Variants in SSU72 observed in about 807,000 individuals in gnomAD.
The protein encoded by SSU72 is SSU72 homolog, RNA polymerase II CTD phosphatase.
Under a neutral mutation model 22.7 loss-of-function variants are expected in SSU72, and 12 were observed. The ratio of observed to expected loss-of-function variants is 0.53; its 90% CI spans 0.34 to 0.86. SSU72 has a LOEUF of 0.86. Ranked by LOEUF, SSU72 falls within the 40% of genes least tolerant of loss-of-function variation. SSU72 has a pLI of 0.02. For missense variants in SSU72, 151 were observed against 249.8 expected (o/e 0.60, Z 2.67); for synonymous variants, 116 against 98.3 (o/e 1.18, Z -1.06).
At chr1:1,560,210 A>C (rs992932709) in intron 2 of SSU72, among the ~76,000 whole-genome samples, 13 of 151,920 alleles carry the variant, frequency 8.6e-5, no homozygotes, top group African/African-American at 3.1e-4. Flanking sequence ...TTTTAACAAG[A>C]GTCTTGTTCT....
chr1:1,562,225 A>C (rs944636516), intron 2 of SSU72: 4 of 151,554 alleles, frequency 2.6e-5, no homozygotes, highest in Non-Finnish European at 5.9e-5. Flanking sequence ...AGCTTACACC[A>C]ATCAAGGGAG....
chr1:1,544,398 A>C (rs1279376538), intron 3 of SSU72, among the ~76,000 whole-genome samples: 2 of 152,124 alleles, frequency 1.3e-5, no homozygotes, highest in African/African-American at 4.8e-5. Flanking sequence ...CGGGCGGATC[A>C]CTTGAGGACA....
chr1:1,551,522 G>T (rs1642455104), intron 2 of SSU72, among the ~76,000 whole-genome samples: 1 of 151,386 alleles, frequency 6.6e-6, no homozygotes, highest in South Asian at 2.1e-4. Flanking sequence ...ACCTACGTGT[G>T]TGTGCCAGCT....
At chr1:1,573,463 AAAG>A (rs1170536990) in intron 1 of SSU72, among the ~76,000 whole-genome samples, 2 of 151,256 alleles carry the variant, frequency 1.3e-5, no homozygotes, top group Non-Finnish European at 3.0e-5. Flanking sequence ...AAAAGAAAGA[AAAG>A]AATAAAGAGA....
Position 1,567,662 on chromosome 1 carries a change from G to A in SSU72, c.81-2746C>T, listed in dbSNP as rs1038139312. Among the ~76,000 whole-genome samples, 10 of 152,132 alleles carry A rather than the reference G, an allele frequency of 6.6e-5. No homozygotes were observed. In the East Asian group the frequency reaches 1.9e-3, roughly 29 times the overall value. On this transcript the variant is annotated intron_variant, in intron 1 of 4. Transcript: ENST00000291386. ...GACAACATACAATAAAATATGTTCC[G>A]TCAAAGCACAAACAAGGGCCGGACG...
At chr1:1,567,047 G>T (rs1264930976) in intron 1 of SSU72, among the ~76,000 whole-genome samples, 1 of 152,170 alleles carries the variant, frequency 6.6e-6, no homozygotes, top group South Asian at 2.1e-4. Flanking sequence ...ACATACACGT[G>T]CCTCTGCAAC....
At chr1:1,565,344 G>A (rs1020960072) in intron 1 of SSU72, among the ~76,000 whole-genome samples, 3 of 152,194 alleles carry the variant, frequency 2.0e-5, no homozygotes, top group African/African-American at 7.2e-5. Context: ...CTGCACTCCA[G>A]CCTGGGCGAC....
chr1:1,560,851 C>T (rs1642581082), intron 2 of SSU72: 1 of 152,156 alleles, frequency 6.6e-6, no homozygotes, highest in Admixed American at 6.5e-5. Flanking sequence ...TTAAGTATTT[C>T]AATACTAATA....
chr1:1,567,902 T>C (rs1383569655), intron 1 of SSU72, among the ~76,000 whole-genome samples: 2 of 130,370 alleles, frequency 1.5e-5, no homozygotes, highest in Non-Finnish European at 3.1e-5. Context: ...AACAGAGCGA[T>C]ACTCTGTTTC....
At chr1:1,560,325 T>C (rs1327684835) in intron 2 of SSU72, among the ~76,000 whole-genome samples, 1 of 152,106 alleles carries the variant, frequency 6.6e-6, no homozygotes, top group Non-Finnish European at 1.5e-5. Context: ...TGTGTGTTTT[T>C]TGTAGAGATA....
chr1:1,574,659 A>C lies in SSU72; in HGVS notation c.-102T>G. 9.3e-7 allele frequency: 1 copy of C among 1,080,624 alleles called. No homozygotes were observed. The highest frequency in any genetic ancestry group is 1.3e-6 in the Non-Finnish European group (1 of 796,342). The allele number at this position is 1,080,624 out of a possible 1,614,324, so 66.9% of individuals were successfully genotyped here. A position where few individuals can be genotyped will look rare whatever the true frequency, so the allele number is the denominator to read the frequency against. On this transcript the variant is annotated 5_prime_UTR_variant, in exon 1 of 5. Transcript: ENST00000291386. ...CGGCCGCGGTGGCCGGAAGCGGGCG[A>C]CGCGAAACGACGGCGCCGGCGGTGT...
At chr1:1,572,349 A>T (rs1445008644) in intron 1 of SSU72, among the ~76,000 whole-genome samples, 2 of 145,008 alleles carry the variant, frequency 1.4e-5, no homozygotes, top group African/African-American at 2.5e-5. Context: ...AATAGTGTGA[A>T]CCCAGGAGGC....
intron 2 of SSU72, among the ~76,000 whole-genome samples, chr1:1,553,528 C>T (rs1327572470): frequency 6.6e-6 from 1 of 150,836 alleles, no homozygotes; most frequent in Non-Finnish European, 1.5e-5. Context: ...GTAATCCCAG[C>T]ACTTTGGGAG....
chr1:1,544,012 C>T (rs374434537), intron 3 of SSU72, 25 bp from the exon 4 acceptor site: 9 of 1,576,662 alleles, frequency 5.7e-6, no homozygotes, highest in African/African-American at 4.1e-5. Flanking sequence ...GTGACACAGA[C>T]GTCAGAGGCT....
chr1:1,546,857 CAACAAAAA>C (rs1364921654), intron 2 of SSU72, among the ~76,000 whole-genome samples: 1 of 66,724 alleles, frequency 1.5e-5, no homozygotes, highest in South Asian at 5.9e-4. Context: ...ACAACAACAA[CAACAAAAA>C]AAAAAAAAAA....
Position 1,542,383 on chromosome 1 carries a change from CCT to C in SSU72, c.484-218_484-217del, listed in dbSNP as rs1642333398. 6.6e-6 allele frequency among the ~76,000 whole-genome samples: 1 copy of C among 152,132 alleles called. No individual in the cohort carries two copies. Among genetic ancestry groups the C allele is most frequent in the Non-Finnish European group, 1.5e-5 (1 of 68,030 alleles). On this transcript the variant is annotated intron_variant, in intron 4 of 4. Coordinates refer to ENST00000291386, the MANE Select transcript of SSU72 (RefSeq NM_014188.3). This position sits in a 1 kb window ranked among gnomAD's most constrained non-coding sequence, Gnocchi z 4.4. The stretch of plus-strand genomic sequence containing the variant: ...CACCTCCCCACCGACCCTCACAGGA[CCT>C]GAAGCTGGGAGGAGCTGGGAGGAGC...
At chr1:1,572,894 G>C (rs1414154101) in intron 1 of SSU72, among the ~76,000 whole-genome samples, 1 of 144,834 alleles carries the variant, frequency 6.9e-6, no homozygotes, top group Non-Finnish European at 1.5e-5. Context: ...GGGGGGGTGA[G>C]CCTTGCATTG....
At chr1:1,556,768 A>T (rs1642526392) in intron 2 of SSU72, among the ~76,000 whole-genome samples, 1 of 152,208 alleles carries the variant, frequency 6.6e-6, no homozygotes, top group South Asian at 2.1e-4. Flanking sequence ...ACTACTTTGC[A>T]AAAGCATCTC....
At chr1:1,570,123 A>C (rs1642709682) in intron 1 of SSU72, among the ~76,000 whole-genome samples, 1 of 152,100 alleles carries the variant, frequency 6.6e-6, no homozygotes, top group Admixed American at 6.6e-5. Flanking sequence ...GGACATAAAC[A>C]GGTAATTTTC....
Sources: allele counts gnomAD v4.1 joint callset (sites outside exome capture counted in the v4.1 genomes callset), GRCh38; gene constraint gnomAD v4.1.1; non-coding constraint Gnocchi (gnomAD v3.1); transcripts MANE v1.5; gene names NCBI Gene and HGNC (gene_info 2026-07-23, HGNC 2026-07-21).